Variants in ANKRD28 observed in about 807,000 individuals in gnomAD.
ANKRD28 encodes the protein serine/threonine-protein phosphatase 6 regulatory ankyrin repeat subunit A.
ANKRD28 carries 44 observed loss-of-function variants against 126.5 expected under a neutral mutation model. The observed-to-expected ratio is 0.35, with a 90% confidence interval of 0.27 to 0.45. ANKRD28 has a LOEUF of 0.45. Among genes scored for constraint, ANKRD28 ranks in the 20% least tolerant of loss-of-function variants. The pLI, the probability that ANKRD28 is intolerant of heterozygous loss-of-function variation, is 1.00. For missense variants in ANKRD28, 1,110 were observed against 1,316.6 expected, an observed-to-expected ratio of 0.84 and a Z score of 2.43; for synonymous variants, 442 against 468.5, an observed-to-expected ratio of 0.94 and a Z score of 0.73.
At chr3:15,687,208 G>A (rs756285601) in intron 18 of ANKRD28, among the ~76,000 whole-genome samples, 2 of 152,058 alleles carry the variant, frequency 1.3e-5, no homozygotes, top group African/African-American at 2.4e-5. Context: ...CTCCCAAAGT[G>A]CTGGGATTAC....
At chr3:15,697,512 T>G (rs1048937174) in intron 14 of ANKRD28, 2 of 150,794 alleles carry the variant, frequency 1.3e-5, no homozygotes, top group African/African-American at 4.9e-5. Context: ...ATGTGTTTGT[T>G]TTTTTTTTGC....
At chr3:15,674,898 G>A (rs754956038) in intron 27 of ANKRD28, among the ~76,000 whole-genome samples, 6 of 152,184 alleles carry the variant, frequency 3.9e-5, no homozygotes, top group Non-Finnish European at 7.3e-5. Flanking sequence ...AGAAGTCATT[G>A]GTGGTTTTGA....
intron 14 of ANKRD28, among the ~76,000 whole-genome samples, chr3:15,699,502 G>A (rs2455818): frequency 0.47 from 71,402 of 151,914 alleles, 19,682 homozygotes; most frequent in Middle Eastern, 0.6. Context: ...ATCTGACAAA[G>A]GGCTAATATC....
intron 18 of ANKRD28, among the ~76,000 whole-genome samples, chr3:15,688,362 A>T (rs1264413589): frequency 1.3e-5 from 2 of 152,174 alleles, no homozygotes; most frequent in East Asian, 3.9e-4. Flanking sequence ...AACTCAAGTG[A>T]CCCTCTTGCC....
rs1192596622 is a variant in ANKRD28, at chr3:15,694,730, A to C, written c.1761+9T>G. On this transcript the variant is annotated intron_variant, in intron 17 of 27. Transcript: ENST00000683139. ...CAGCCATCAAGTCGGCTATGAAGGC[A>C]GTACTCACAGCCAAGTGTAAAGGGC... 1.2e-6 allele frequency: 2 copies of C among 1,611,260 alleles called. No homozygotes were observed. Among genetic ancestry groups the C allele is most frequent in the Non-Finnish European group, 1.7e-6 (2 of 1,177,510 alleles).
chr3:15,714,769 T>A, intron 8 of ANKRD28, 113 bp from the exon 9 acceptor site: 1 of 688,170 alleles, frequency 1.5e-6, no homozygotes, highest in Non-Finnish European at 2.2e-6. Context: ...TTACATGAAT[T>A]AAGTTTAACT....
rs766175572 is a variant in ANKRD28 at position 15,797,894 on chromosome 3, C to A, written c.-1373G>T. ...TATCAGTCCCACAGAAGCATTCCAA[C>A]GGAGCAACAGTCTGAAGAGCAAAGA... On this transcript the variant is annotated 5_prime_UTR_variant, in exon 1 of 28. Coordinates refer to ENST00000683139, the MANE Select transcript of ANKRD28 (RefSeq NM_001349278.2). 5.1e-6 allele frequency: 5 copies of A among 985,276 alleles called. No individual in the cohort carries two copies. Among genetic ancestry groups the A allele is most frequent in the Non-Finnish European group, 6.0e-6 (5 of 829,958 alleles). 61.0% of individuals were successfully genotyped at this position (985,276 alleles called of 1,614,324 possible).
chr3:15,676,904 T>G (rs1282690089), intron 26 of ANKRD28, 70 bp downstream of exon 26: 1 of 1,343,188 alleles, frequency 7.4e-7, no homozygotes, highest in Non-Finnish European at 1.1e-6. Flanking sequence ...GTCACATGTT[T>G]AAAAAAATCC....
intron 14 of ANKRD28, among the ~76,000 whole-genome samples, chr3:15,701,409 C>T (rs985272723): frequency 2.0e-5 from 3 of 152,064 alleles, no homozygotes; most frequent in African/African-American, 7.2e-5. Context: ...CTTTGGGAAG[C>T]GGAGGTGGGC....
intron 5 of ANKRD28, 142 bp from the exon 6 acceptor site, chr3:15,735,639 G>A (rs112785160): frequency 5.2e-5 from 32 of 610,650 alleles, no homozygotes; most frequent in African/African-American, 3.2e-4. Context: ...ACTAAATACT[G>A]AAGGTCATTT....
chr3:15,721,262 G>T (rs993930636), intron 7 of ANKRD28, 135 bp from the exon 8 acceptor site: 8 of 727,028 alleles, frequency 1.1e-5, no homozygotes, highest in African/African-American at 1.8e-5. Context: ...CAGAGATAAG[G>T]CTTATAATTC....
At chr3:15,800,214 C>T (rs1226543385), upstream of ANKRD28, among the ~76,000 whole-genome samples, 1 of 151,970 alleles carries the variant, frequency 6.6e-6, no homozygotes, top group African/African-American at 2.4e-5. Context: ...AAAAAAATAA[C>T]CTGCAAAGAT....
Position 15,669,762 on chromosome 3 carries a change from A to ATT in ANKRD28, c.*507_*508insAA, listed in dbSNP as rs1488772433. 1 of 152,748 alleles carries ATT rather than the reference A, an allele frequency of 6.5e-6. No individual in the cohort carries two copies. Among genetic ancestry groups the ATT allele is most frequent in the African/African-American group, 2.4e-5 (1 of 41,440 alleles). 9.5% of individuals were successfully genotyped at this position (152,748 alleles called of 1,614,324 possible). A position where few individuals can be genotyped will look rare whatever the true frequency, so the allele number is the denominator to read the frequency against. On this transcript the variant is annotated 3_prime_UTR_variant, in exon 28 of 28. Coordinates refer to ENST00000683139, the MANE Select transcript of ANKRD28 (RefSeq NM_001349278.2). ...GAAATATTGCAGTTTGGTTTAGGTA[A>ATT]TGTTTCATTTAATCTACTCCAGTTT...
chr3:15,800,811 A>G (rs1021071663), upstream of ANKRD28, among the ~76,000 whole-genome samples: 34 of 152,246 alleles, frequency 2.2e-4, 5 homozygotes, highest in Admixed American at 9.8e-4. Context: ...AGCCCATGGT[A>G]TATTATAAAA....
rs1428585241 is a variant in ANKRD28, at chr3:15,833,224, G to C, written c.27+26153C>G. On this transcript the variant is annotated intron_variant, in intron 1 of 27. Coordinates refer to the ANKRD28 transcript ENST00000399451. The surrounding 1 kb of genome is among the most constrained non-coding windows in gnomAD (Gnocchi z 4.4). ...GGAAAGGCGGATCTACCCTTAATCT[G>C]AGTAGGCACCATCTAATCAGCTGTC... Among the ~76,000 whole-genome samples, 1 of 152,142 alleles carries C rather than the reference G, an allele frequency of 6.6e-6. No individual in the cohort carries two copies. The highest frequency in any genetic ancestry group is 1.5e-5 in the Non-Finnish European group (1 of 68,030).
At chr3:15,739,852 C>T (rs1474689934) in intron 4 of ANKRD28, among the ~76,000 whole-genome samples, 5 of 152,158 alleles carry the variant, frequency 3.3e-5, no homozygotes, top group South Asian at 2.1e-4. Flanking sequence ...AGTCATCTAT[C>T]GAATTGCTAA....
chr3:15,678,196 G>A lies in ANKRD28; in HGVS notation c.2707+13C>T. 1.3e-6 allele frequency: 2 copies of A among 1,599,730 alleles called. No individual in the cohort carries two copies. The highest frequency in any genetic ancestry group is 1.7e-6 in the Non-Finnish European group (2 of 1,175,488). On this transcript the variant is annotated intron_variant, in intron 24 of 27. Coordinates refer to ENST00000683139, the MANE Select transcript of ANKRD28 (RefSeq NM_001349278.2). ...ATACTTAGGAAAATACAATTTTAAAGAAGTTTCTTTACCAACTGTATTTGT... is the reference window on the plus strand; with the variant it reads ...ATACTTAGGAAAATACAATTTTAAAAAAGTTTCTTTACCAACTGTATTTGT...
chr3:15,825,598 CA>C (rs1411681752), intron 1 of ANKRD28, among the ~76,000 whole-genome samples: 15 of 151,552 alleles, frequency 9.9e-5, no homozygotes, highest in African/African-American at 3.4e-4. Flanking sequence ...TTACACAACA[CA>C]AAAAAGGGGG....
chr3:15,808,714 C>A (rs1202278611), intron 1 of ANKRD28, among the ~76,000 whole-genome samples: 1 of 152,068 alleles, frequency 6.6e-6, no homozygotes, highest in Non-Finnish European at 1.5e-5. Context: ...TTATTTTGGC[C>A]TATAGAAAGC....
Sources: allele counts gnomAD v4.1 joint callset (sites outside exome capture counted in the v4.1 genomes callset), GRCh38; gene constraint gnomAD v4.1.1; non-coding constraint Gnocchi (gnomAD v3.1); transcripts MANE v1.5; gene names NCBI Gene and HGNC (gene_info 2026-07-23, HGNC 2026-07-21).